Variants in KCNJ1 observed in about 807,000 individuals in gnomAD.
KCNJ1 encodes potassium inwardly rectifying channel subfamily J member 1, also known as ATP-sensitive inward rectifier potassium channel 1.
In KCNJ1, 24 loss-of-function variants were observed where a neutral mutation model predicts 21.9. The observed-to-expected ratio is 1.10, with a 90% CI of 0.79 to 1.54. The LOEUF is 1.54. KCNJ1 is among the 40% of genes most tolerant of loss of function. The pLI, the probability that KCNJ1 is intolerant of heterozygous loss-of-function variation, is 0.00. For missense variants in KCNJ1, 457 were observed against 455.4 expected, an observed-to-expected ratio of 1.00 and a Z score of -0.03; for synonymous variants, 152 against 160.9, an observed-to-expected ratio of 0.94 and a Z score of 0.42.
intron 1 of KCNJ1, among the ~76,000 whole-genome samples, chr11:128,865,844 T>C (rs963408380): frequency 1.3e-5 from 2 of 152,020 alleles, no homozygotes; most frequent in African/African-American, 4.8e-5. Context: ...TGCTTGGCAA[T>C]TACAAACTTC....
intron 1 of KCNJ1, chr11:128,866,539 T>G (rs1943818757): frequency 2.0e-6 from 2 of 978,874 alleles, no homozygotes. Context: ...AGAGCAGAGA[T>G]AAACAGTTGG....
intron 2 of KCNJ1, among the ~76,000 whole-genome samples, chr11:128,848,519 G>T (rs1010875029): frequency 1.3e-5 from 2 of 152,088 alleles, no homozygotes; most frequent in South Asian, 2.1e-4. Context: ...GTTTCCTGTT[G>T]TTCTTCATAA....
intron 2 of KCNJ1, 56 bp downstream of exon 2, chr11:128,850,665 G>T: frequency 1.2e-6 from 1 of 853,756 alleles, no homozygotes; most frequent in Non-Finnish European, 1.4e-6. Context: ...TGCTTACCTA[G>T]CTTTCTTGTA....
intron 2 of KCNJ1, among the ~76,000 whole-genome samples, chr11:128,849,871 G>A (rs76129896): frequency 6.6e-6 from 1 of 152,130 alleles, no homozygotes; most frequent in African/African-American, 2.4e-5. Flanking sequence ...TGTGGGAAGA[G>A]GAGGCAACAC....
chr11:128,865,752 C>G (rs1301655242), intron 1 of KCNJ1, among the ~76,000 whole-genome samples: 1 of 152,100 alleles, frequency 6.6e-6, no homozygotes, highest in Admixed American at 6.5e-5. Flanking sequence ...GACTCATAAC[C>G]TAGCACAGAA....
chr11:128,854,114 G>A (rs1943536120), intron 1 of KCNJ1, among the ~76,000 whole-genome samples: 2 of 143,884 alleles, frequency 1.4e-5, no homozygotes, highest in African/African-American at 5.2e-5. Flanking sequence ...ATCCTGGGTT[G>A]GCAGCTCCAG....
At chr11:128,852,426 G>T (rs1555136678) in intron 1 of KCNJ1, among the ~76,000 whole-genome samples, 1 of 152,184 alleles carries the variant, frequency 6.6e-6, no homozygotes, top group Non-Finnish European at 1.5e-5. Context: ...CCGTTGCTAT[G>T]CCCACGGGTA....
Position 128,839,395 on chromosome 11 carries a change from C to T in KCNJ1, c.849G>A (p.Glu283=), listed in dbSNP as rs769656482. 6.2e-7 allele frequency: 1 copy of T among 1,614,192 alleles called. No individual in the cohort carries two copies. Among genetic ancestry groups the T allele is most frequent in the South Asian group, 1.1e-5 (1 of 91,074 alleles). ...ELVVFLDGTV[E]STSATCQVRT... is the part of the protein sequence containing the mutation. ...GGACTTGGCAGGTAGCACTGGTGGA[C>T]TCCACTGTGCCATCTAAAAACACCA... The change falls in exon 3 of 3, where the codon GAG becomes GAA. Residue 283 remains glutamate, a synonymous_variant. Coordinates refer to ENST00000392666, the MANE Select transcript of KCNJ1 (RefSeq NM_153766.3).
intron 2 of KCNJ1, among the ~76,000 whole-genome samples, chr11:128,844,146 A>T (rs1943339052): frequency 6.6e-6 from 1 of 152,242 alleles, no homozygotes. Context: ...ATCACATAGT[A>T]TCTGGTGGCT....
At chr11:128,843,888 A>G (rs1011379721) in intron 2 of KCNJ1, among the ~76,000 whole-genome samples, 1 of 152,194 alleles carries the variant, frequency 6.6e-6, no homozygotes, top group African/African-American at 2.4e-5. Flanking sequence ...TGCAACTCCC[A>G]TTTCAGCAGA....
At chr11:128,851,412 T>C (rs1311105287) in intron 1 of KCNJ1, among the ~76,000 whole-genome samples, 1 of 152,248 alleles carries the variant, frequency 6.6e-6, no homozygotes, top group Non-Finnish European at 1.5e-5. Flanking sequence ...AATCAAATAA[T>C]CATTCTTCCA....
chr11:128,846,921 G>C (rs956383468), intron 2 of KCNJ1, among the ~76,000 whole-genome samples: 2 of 152,028 alleles, frequency 1.3e-5, no homozygotes, highest in Non-Finnish European at 2.9e-5. Context: ...ATGATGGATT[G>C]GGATAAAACA....
intron 1 of KCNJ1, among the ~76,000 whole-genome samples, chr11:128,858,145 C>T (rs1158201641): frequency 2.8e-5 from 3 of 106,604 alleles, no homozygotes; most frequent in Non-Finnish European, 5.7e-5. Flanking sequence ...TGAGGGAAGG[C>T]GAGGGTTGGG....
At chr11:128,850,419 C>T (rs1373199138) in intron 2 of KCNJ1, among the ~76,000 whole-genome samples, 1 of 152,204 alleles carries the variant, frequency 6.6e-6, no homozygotes, top group Non-Finnish European at 1.5e-5. Context: ...CAGTCCCTGC[C>T]TACCCCAGCA....
At chr11:128,852,571 G>A (rs561314041) in intron 1 of KCNJ1, among the ~76,000 whole-genome samples, 7 of 152,376 alleles carry the variant, frequency 4.6e-5, no homozygotes, top group African/African-American at 1.7e-4. Flanking sequence ...AAGCCCTGGA[G>A]CCAGAGGGAG....
At position 128,839,677 on chromosome 11, in the gene KCNJ1, G is replaced by A. The variant is rs1591404333; in HGVS notation, c.567C>T (p.Cys189=). Residue 189 remains cysteine (C), a synonymous_variant, in exon 3 of 3, where the codon TGC becomes TGT. Transcript: ENST00000392666. ...AVISKRGGKL[C]LLIRVANLRK... is the part of the protein sequence containing the mutation. ...TGAGATTAGCCACTCGGATTAGGAG[G>A]CAAAGCTTCCCTCCCCGTTTGCTGA... The A allele has an allele frequency of 6.2e-7, 1 of 1,613,238 alleles. No individual in the cohort carries two copies. Among genetic ancestry groups the A allele is most frequent in the Non-Finnish European group, 8.5e-7 (1 of 1,179,778 alleles).
chr11:128,861,380 G>A (rs1943704623), intron 1 of KCNJ1, among the ~76,000 whole-genome samples: 2 of 152,226 alleles, frequency 1.3e-5, no homozygotes, highest in Non-Finnish European at 2.9e-5. Flanking sequence ...CATGAGCTGG[G>A]ACATTTAGAA....
chr11:128,839,213 T>G lies in KCNJ1; in HGVS notation c.1031A>C (p.Lys344Thr), dbSNP rs778064107. 1.5e-5 allele frequency: 25 copies of G among 1,614,058 alleles called. No individual in the cohort carries two copies. Among genetic ancestry groups the G allele is most frequent in the African/African-American group, 4.0e-5 (3 of 74,930 alleles). Residue 344 changes from lysine to threonine, a missense_variant, in exon 3 of 3, where the codon AAA (lysine) becomes ACA (threonine). By Grantham distance (78) the Lys-to-Thr change is moderately conservative. Transcript: ENST00000392666. ...PHCAMCLYNEKDVRARMKRGY... is the reference protein window; with the variant it reads ...PHCAMCLYNETDVRARMKRGY... ...TCTCTTCATCCTGGCTCTAACATCT[T>G]TCTCATTATAAAGGCACATGGCACA...
Position 128,862,581 on chromosome 11 carries a change from C to T in KCNJ1, c.-192+4592G>A, listed in dbSNP as rs112282510. 4.2e-3 allele frequency among the ~76,000 whole-genome samples: 640 copies of T among 152,332 alleles called. 5 individuals are homozygous for T. Among genetic ancestry groups the T allele is most frequent in the African/African-American group, 0.014 (586 of 41,590 alleles). On this transcript the variant is annotated intron_variant, in intron 1 of 2. Transcript: ENST00000392666. ...AGGTTAGAACGTGCTCATGCTCTGCCAGTTCGCTGATGTGTCATGCAGCCA... is the reference window on the plus strand; with the variant it reads ...AGGTTAGAACGTGCTCATGCTCTGCTAGTTCGCTGATGTGTCATGCAGCCA...
Sources: allele counts gnomAD v4.1 joint callset (sites outside exome capture counted in the v4.1 genomes callset), GRCh38; gene constraint gnomAD v4.1.1; transcripts MANE v1.5; gene names NCBI Gene and HGNC (gene_info 2026-07-23, HGNC 2026-07-21).